MICU2: variants seen among roughly 807,000 people sequenced by gnomAD.
The protein encoded by MICU2 is mitochondrial calcium uptake 2.
Under a neutral mutation model 60.4 loss-of-function variants are expected in MICU2, and 64 were observed. The observed-to-expected ratio is 1.06, with a 90% confidence interval of 0.87 to 1.31. The LOEUF (loss-of-function observed/expected upper bound fraction) is 1.31, where lower values mean the gene tolerates loss of function less well. Among genes scored for constraint, MICU2 ranks in the 50% most tolerant of loss-of-function variants. The pLI is 0.00. For synonymous variants in MICU2, 201 were observed against 175.0 expected (o/e 1.15, Z -1.17); for missense variants, 569 against 531.0 (o/e 1.07, Z -0.70).
chr13:21,593,117 C>T (rs1266346467), intron 1 of MICU2, among the ~76,000 whole-genome samples: 2 of 152,074 alleles, frequency 1.3e-5, no homozygotes, highest in Non-Finnish European at 2.9e-5. Flanking sequence ...TTTAGAAAAT[C>T]GCATCATCTC....
intron 1 of MICU2, among the ~76,000 whole-genome samples, chr13:21,569,410 T>C (rs577552149): frequency 7.2e-5 from 11 of 152,148 alleles, no homozygotes; most frequent in Non-Finnish European, 1.3e-4. Context: ...GCTCTGCTTA[T>C]AGAGTACAAA....
At chr13:21,512,064 G>A (rs760429714) in intron 7 of MICU2, among the ~76,000 whole-genome samples, 1 of 152,180 alleles carries the variant, frequency 6.6e-6, no homozygotes, top group East Asian at 1.9e-4. Context: ...TTCCAGAGTG[G>A]TGGTTTTACA....
In MICU2 at chr13:21,516,271, C is replaced by G. The variant is rs2138157202; in HGVS notation, c.598-1853G>C. 2.0e-5 allele frequency among the ~76,000 whole-genome samples: 3 copies of G among 151,912 alleles called. No homozygotes were observed. In the Middle Eastern group the frequency reaches 0.01, roughly 517 times the overall value. Reference sequence around the variant, plus strand: ...AGACAGTTCTGATTTTTTTCCCCACCTAAATTAGTTTCCCTTAGTTTAGAA... The same window carrying G: ...AGACAGTTCTGATTTTTTTCCCCACGTAAATTAGTTTCCCTTAGTTTAGAA... On this transcript the variant is annotated intron_variant, in intron 6 of 11. Coordinates refer to ENST00000382374, the MANE Select transcript of MICU2 (RefSeq NM_152726.3).
intron 4 of MICU2, among the ~76,000 whole-genome samples, chr13:21,528,924 G>A (rs1886921445): frequency 6.6e-6 from 1 of 152,316 alleles, no homozygotes; most frequent in African/African-American, 2.4e-5. Context: ...GAGGGAGAGA[G>A]AGAATGGCAC....
At chr13:21,505,952 C>T (rs974796251) in intron 8 of MICU2, among the ~76,000 whole-genome samples, 1 of 152,068 alleles carries the variant, frequency 6.6e-6, no homozygotes, top group Non-Finnish European at 1.5e-5. Context: ...ATGTAAGTAC[C>T]TGCCAGTTGC....
At chr13:21,520,768 C>T (rs1269827381) in intron 6 of MICU2, among the ~76,000 whole-genome samples, 3 of 151,866 alleles carry the variant, frequency 2.0e-5, no homozygotes, top group Non-Finnish European at 4.4e-5. Flanking sequence ...ACGTTTTCAG[C>T]TCTTCAAATA....
At chr13:21,550,162 A>G (rs1210250290) in intron 2 of MICU2, among the ~76,000 whole-genome samples, 1 of 152,180 alleles carries the variant, frequency 6.6e-6, no homozygotes, top group Non-Finnish European at 1.5e-5. Context: ...CTATCATCTC[A>G]TTCCAGACAT....
At chr13:21,590,948 C>T (rs751023091) in intron 1 of MICU2, among the ~76,000 whole-genome samples, 10 of 152,198 alleles carry the variant, frequency 6.6e-5, no homozygotes, top group Admixed American at 6.5e-5. Flanking sequence ...ATATAAAGAG[C>T]AATGACATTA....
chr13:21,552,431 T>G (rs944217250), intron 2 of MICU2, among the ~76,000 whole-genome samples: 11 of 152,232 alleles, frequency 7.2e-5, no homozygotes, highest in East Asian at 3.8e-4. Flanking sequence ...CTCTTGAGTT[T>G]AATTAGATCC....
intron 6 of MICU2, among the ~76,000 whole-genome samples, chr13:21,515,371 T>C (rs1329117318): frequency 6.6e-6 from 1 of 152,228 alleles, no homozygotes; most frequent in Non-Finnish European, 1.5e-5. Flanking sequence ...CTTGAGCCAC[T>C]GTGCCCGGCC....
chr13:21,562,100 C>T (rs1887860340), intron 2 of MICU2, among the ~76,000 whole-genome samples: 1 of 151,256 alleles, frequency 6.6e-6, no homozygotes. Context: ...TTTTCTTAAT[C>T]CAGTCTATCA....
At chr13:21,532,295 C>G (rs902366239) in intron 4 of MICU2, among the ~76,000 whole-genome samples, 13 of 152,220 alleles carry the variant, frequency 8.5e-5, no homozygotes, top group African/African-American at 2.9e-4. Context: ...TTGCTATCTT[C>G]ATACCAAGAA....
At chr13:21,535,713 A>G (rs1887114611) in intron 4 of MICU2, among the ~76,000 whole-genome samples, 1 of 152,210 alleles carries the variant, frequency 6.6e-6, no homozygotes, top group East Asian at 1.9e-4. Context: ...CAAGAAAACT[A>G]AAACCAACTT....
At chr13:21,603,853 C>A in intron 1 of MICU2, 86 bp downstream of exon 1, 5 of 1,448,364 alleles carry the variant, frequency 3.5e-6, no homozygotes, top group Non-Finnish European at 4.7e-6. Flanking sequence ...CCGGGAGAGC[C>A]GCCCAGAGCC....
chr13:21,599,405 TG>T (rs1888766347), intron 1 of MICU2, among the ~76,000 whole-genome samples: 1 of 152,270 alleles, frequency 6.6e-6, no homozygotes, highest in African/African-American at 2.4e-5. Flanking sequence ...CTATGATTTC[TG>T]ATTTTACATG....
At chr13:21,503,198 G>A (rs1593314921) in intron 8 of MICU2, 101 bp from the exon 9 acceptor site, 2 of 787,176 alleles carry the variant, frequency 2.5e-6, no homozygotes, top group East Asian at 5.2e-5. Flanking sequence ...CTACTGAGTG[G>A]CTGCCTCCTG....
In MICU2 at chr13:21,513,504, G is replaced by A. The variant is rs573446479; in HGVS notation, c.663+849C>T. On this transcript the variant is annotated intron_variant, in intron 7 of 11. Transcript: ENST00000382374. Reference sequence around the variant, plus strand: ...TGTAATCCCAGCAATTTGGGAGGCCGAAGCGGGCGGATCACCTGAGGTCAG... The same window carrying A: ...TGTAATCCCAGCAATTTGGGAGGCCAAAGCGGGCGGATCACCTGAGGTCAG... 1.2e-3 allele frequency among the ~76,000 whole-genome samples: 180 copies of A among 152,128 alleles called. 2 individuals carry two copies. Among genetic ancestry groups the A allele is most frequent in the African/African-American group, 4.0e-3 (167 of 41,500 alleles).
intron 4 of MICU2, among the ~76,000 whole-genome samples, chr13:21,525,559 C>T (rs182333398): frequency 6.6e-6 from 1 of 151,878 alleles, no homozygotes; most frequent in Non-Finnish European, 1.5e-5. Context: ...CAAATTCCCA[C>T]CAAATTTCTC....
intron 8 of MICU2, among the ~76,000 whole-genome samples, chr13:21,505,359 C>T (rs1324822243): frequency 6.6e-6 from 1 of 152,092 alleles, no homozygotes; most frequent in African/African-American, 2.4e-5. Context: ...CGGGTAAATG[C>T]CATCAGGAGC....
Sources: gnomAD v4.1 joint callset for allele counts (sites outside exome capture counted in the v4.1 genomes callset) on GRCh38, gnomAD v4.1.1 for gene constraint, MANE v1.5 for transcripts, NCBI Gene and HGNC (gene_info 2026-07-23, HGNC 2026-07-21) for gene names.